NELL2: variants seen among roughly 807,000 people sequenced by gnomAD.
The protein encoded by NELL2 is neural EGFL like 2, also known as protein kinase C-binding protein NELL2.
NELL2 carries 41 observed loss-of-function variants against 109.6 expected under a neutral mutation model. That is an observed-to-expected ratio of 0.37 (90% CI 0.29 to 0.49). The LOEUF (loss-of-function observed/expected upper bound fraction) is 0.49, where lower values mean the gene tolerates loss of function less well. Among genes scored for constraint, NELL2 ranks in the 20% least tolerant of loss-of-function variants. The pLI is 0.98. For synonymous variants in NELL2, 355 were observed against 344.7 expected (o/e 1.03, Z -0.33); for missense variants, 900 against 1,008.3 (o/e 0.89, Z 1.45).
chr12:44,525,455 T>A (rs186406627), intron 16 of NELL2, among the ~76,000 whole-genome samples: 169 of 152,340 alleles, frequency 1.1e-3, no homozygotes, highest in South Asian at 1.4e-3. Flanking sequence ...TCCAAGGAGT[T>A]TGAGTTAGTT....
chr12:44,642,688 C>T lies in NELL2; in HGVS notation c.1444+22796G>A, dbSNP rs571392114. ...CCTAAGGTCAGGAGTTCAAGACCAG[C>T]CTGGCCAACATGATGAAACCCTATC... On this transcript the variant is annotated intron_variant, in intron 13 of 19. Coordinates refer to ENST00000429094, the MANE Select transcript of NELL2 (RefSeq NM_001145108.2). Among the ~76,000 whole-genome samples, 7 of 152,210 alleles carry T rather than the reference C, an allele frequency of 4.6e-5. No homozygotes were observed. The East Asian group carries it at 1.2e-3, about 25-fold the overall frequency.
Position 44,517,724 on chromosome 12 carries a change from C to T in NELL2, c.2400+2281G>A, listed in dbSNP as rs576616881. 9.9e-5 allele frequency among the ~76,000 whole-genome samples: 15 copies of T among 152,038 alleles called. No individual in the cohort carries two copies. In the South Asian group the frequency reaches 2.7e-3, roughly 27 times the overall value. The stretch of plus-strand genomic sequence containing the variant: ...ATAGCCACATGTGGCTACTGACTAG[C>T]ATATTGAACAACAGAGTGCCAGATA... On this transcript the variant is annotated intron_variant, in intron 19 of 19. Coordinates refer to ENST00000429094, the MANE Select transcript of NELL2 (RefSeq NM_001145108.2).
intron 2 of NELL2, among the ~76,000 whole-genome samples, chr12:44,845,811 A>C (rs1405335665): frequency 6.6e-6 from 1 of 152,178 alleles, no homozygotes; most frequent in Admixed American, 6.5e-5. Flanking sequence ...CTCAGGTTCC[A>C]TGAGAGTTAT....
chr12:44,529,098 A>G (rs1292711025), intron 16 of NELL2, among the ~76,000 whole-genome samples: 1 of 152,174 alleles, frequency 6.6e-6, no homozygotes, highest in Non-Finnish European at 1.5e-5. Flanking sequence ...GTTATTAAAA[A>G]AAGACTCTAG....
At chr12:44,798,611 T>C (rs183407300) in intron 3 of NELL2, among the ~76,000 whole-genome samples, 2 of 152,196 alleles carry the variant, frequency 1.3e-5, no homozygotes, top group Admixed American at 1.3e-4. Context: ...CCAAACAAAA[T>C]TTAAGCTGAT....
intron 15 of NELL2, among the ~76,000 whole-genome samples, chr12:44,586,551 A>G (rs1944513806): frequency 6.6e-6 from 1 of 152,124 alleles, no homozygotes; most frequent in South Asian, 2.1e-4. Flanking sequence ...CTGCTAAGGT[A>G]TCTAAAATAA....
At chr12:44,761,089 C>T (rs1043916938) in intron 9 of NELL2, among the ~76,000 whole-genome samples, 3 of 152,122 alleles carry the variant, frequency 2.0e-5, no homozygotes, top group Non-Finnish European at 2.9e-5. Context: ...CAGCCTGGTG[C>T]GGTGGCTCAT....
At chr12:44,580,243 A>G (rs1269988533) in intron 15 of NELL2, among the ~76,000 whole-genome samples, 1 of 152,110 alleles carries the variant, frequency 6.6e-6, no homozygotes. Flanking sequence ...TGGGTTCATC[A>G]GAATAGGGGA....
At chr12:44,569,401 T>C (rs1024416861) in intron 15 of NELL2, among the ~76,000 whole-genome samples, 11 of 152,166 alleles carry the variant, frequency 7.2e-5, no homozygotes, top group African/African-American at 2.4e-4. Flanking sequence ...ATATGCCCAA[T>C]AATGAGATTG....
chr12:44,540,797 A>AAAAAAAAAAAAAC, intron 15 of NELL2, among the ~76,000 whole-genome samples: 1 of 150,302 alleles, frequency 6.7e-6, no homozygotes, highest in African/African-American at 2.4e-5. Context: ...AAAAAAAAAA[A>AAAAAAAAAAAAAC]AGCCCATCCT....
chr12:44,532,090 C>T (rs956303114), intron 16 of NELL2, among the ~76,000 whole-genome samples: 1 of 152,112 alleles, frequency 6.6e-6, no homozygotes, highest in African/African-American at 2.4e-5. Flanking sequence ...TCTTATGTAT[C>T]CAACATTCAA....
At chr12:44,854,716 GTGGATGGATGGATGGA>G (rs1205431184) in intron 2 of NELL2, among the ~76,000 whole-genome samples, 1 of 147,030 alleles carries the variant, frequency 6.8e-6, no homozygotes, top group Non-Finnish European at 1.5e-5. Flanking sequence ...GGGTGGGTGG[GTGGATGGATGGATGGA>G]TGGATGGATG....
At chr12:44,515,027 T>C (rs1941196696) in intron 19 of NELL2, among the ~76,000 whole-genome samples, 1 of 151,320 alleles carries the variant, frequency 6.6e-6, no homozygotes. Flanking sequence ...ACAATTTAGA[T>C]AAAATAAAAA....
At chr12:44,762,647 A>G (rs763496233) in intron 9 of NELL2, among the ~76,000 whole-genome samples, 1 of 152,172 alleles carries the variant, frequency 6.6e-6, no homozygotes, top group Non-Finnish European at 1.5e-5. Context: ...CTTTCACAAC[A>G]TGACACCTCA....
intron 13 of NELL2, among the ~76,000 whole-genome samples, chr12:44,637,727 C>T (rs773014050): frequency 2.6e-5 from 4 of 151,156 alleles, no homozygotes; most frequent in Non-Finnish European, 5.9e-5. Context: ...AGACCAAATG[C>T]AACAACCTCA....
intron 15 of NELL2, among the ~76,000 whole-genome samples, chr12:44,584,065 C>T (rs1204883387): frequency 2.0e-5 from 3 of 152,232 alleles, no homozygotes; most frequent in African/African-American, 2.4e-5. Context: ...TGAGCAACAG[C>T]GCCCAGCCTT....
chr12:44,914,979 A>T (rs544141006), upstream of NELL2, among the ~76,000 whole-genome samples: 1 of 151,910 alleles, frequency 6.6e-6, no homozygotes, highest in East Asian at 2.0e-4. Flanking sequence ...CCTCCTGAGT[A>T]GCTGGGACTA....
At chr12:44,883,587 G>A (rs1945439442) in intron 1 of NELL2, among the ~76,000 whole-genome samples, 1 of 151,976 alleles carries the variant, frequency 6.6e-6, no homozygotes, top group Admixed American at 6.6e-5. Context: ...CATTCTCCTG[G>A]CTACCACAAT....
chr12:44,705,679 AAACT>A (rs998775018), intron 11 of NELL2, among the ~76,000 whole-genome samples: 39 of 151,474 alleles, frequency 2.6e-4, no homozygotes, highest in African/African-American at 8.5e-4. Context: ...GCACAACATC[AAACT>A]AACTAAAAAG....
Sources: allele counts gnomAD v4.1 joint callset (sites outside exome capture counted in the v4.1 genomes callset), GRCh38; gene constraint gnomAD v4.1.1; transcripts MANE v1.5; gene names NCBI Gene and HGNC (gene_info 2026-07-23, HGNC 2026-07-21).